Variants in TM9SF4 observed in about 807,000 individuals in gnomAD.
TM9SF4 encodes transmembrane 9 superfamily member 4.
In TM9SF4, 26 loss-of-function variants were observed where a neutral mutation model predicts 90.4. That is an observed-to-expected ratio of 0.29 (90% CI 0.21 to 0.40). The LOEUF is 0.40. Among genes scored for constraint, TM9SF4 ranks in the 10% least tolerant of loss-of-function variants. The pLI is 1.00. For missense variants in TM9SF4, 549 were observed against 834.8 expected (o/e 0.66, Z 4.22); for synonymous variants, 293 against 315.4 (o/e 0.93, Z 0.75).
rs192606587 is a variant in TM9SF4, at chr20:32,144,383, C to T, written c.653-708C>T. On this transcript the variant is annotated intron_variant, in intron 6 of 17. Transcript: ENST00000398022. ...GAGAAAACATCTGAATGATTGATCA[C>T]GAAAGTGCCAGGGCTTTAGAGATAG... Among the ~76,000 whole-genome samples, 119 of 152,278 alleles carry T rather than the reference C, an allele frequency of 7.8e-4. 1 individual carries two copies. The highest frequency in any genetic ancestry group is 3.7e-4 in the Non-Finnish European group (25 of 68,030).
chr20:32,135,845 C>T (rs758308456), intron 2 of TM9SF4, among the ~76,000 whole-genome samples: 6 of 152,194 alleles, frequency 3.9e-5, no homozygotes, highest in Non-Finnish European at 8.8e-5. Context: ...ATGTTCAAGA[C>T]TCTCACAATG....
intron 2 of TM9SF4, 26 bp downstream of exon 2, chr20:32,133,152 GC>G: frequency 6.2e-7 from 1 of 1,608,694 alleles, no homozygotes; most frequent in Non-Finnish European, 8.5e-7. Flanking sequence ...GATTTTTGGA[GC>G]CTCTGTGCTA....
At chr20:32,110,117 C>T (rs945809366) in intron 1 of TM9SF4, 2 of 1,110,908 alleles carry the variant, frequency 1.8e-6, no homozygotes, top group South Asian at 4.6e-5. Context: ...CATCCTTGCT[C>T]CTCCCCGTCA....
intron 13 of TM9SF4, among the ~76,000 whole-genome samples, chr20:32,156,193 A>T (rs1215551204): frequency 2.6e-5 from 4 of 152,226 alleles, no homozygotes; most frequent in African/African-American, 9.6e-5. Context: ...CATTTATATG[A>T]TGCTTGCTTT....
intron 6 of TM9SF4, among the ~76,000 whole-genome samples, chr20:32,143,962 C>G (rs984574354): frequency 6.6e-6 from 1 of 151,808 alleles, no homozygotes; most frequent in Admixed American, 6.6e-5. Context: ...TTTTTTCCCC[C>G]CAAGACAGAG....
chr20:32,112,437 T>G (rs2046157077), intron 1 of TM9SF4, among the ~76,000 whole-genome samples: 1 of 152,042 alleles, frequency 6.6e-6, no homozygotes, highest in Non-Finnish European at 1.5e-5. Flanking sequence ...GGCTCATGCC[T>G]GTAATCTCAG....
Position 32,145,176 on chromosome 20 carries a change from T to C in TM9SF4, c.738T>C (p.Asn246=). The C allele has an allele frequency of 1.9e-6, 3 of 1,614,182 alleles. No individual in the cohort carries two copies. The highest frequency in any genetic ancestry group is 2.5e-6 in the Non-Finnish European group (3 of 1,180,036). ...AAGAAATTGACCCCACCAAGGAGAA[T>C]CAGCTGTACTTCACCTACTCTGTCC... The part of the protein sequence containing the change: ...SPQEIDPTKE[N]QLYFTYSVHW... The change falls in exon 7 of 18, where the codon AAT becomes AAC. Residue 246 remains asparagine (N), a synonymous_variant. Transcript: ENST00000398022.
At chr20:32,113,854 A>G (rs560701383) in intron 1 of TM9SF4, among the ~76,000 whole-genome samples, 5 of 152,282 alleles carry the variant, frequency 3.3e-5, no homozygotes, top group African/African-American at 1.2e-4. Flanking sequence ...CTACTAATTT[A>G]CCTTCTGTCC....
At chr20:32,157,517 G>C (rs925553963) in intron 13 of TM9SF4, among the ~76,000 whole-genome samples, 1 of 151,926 alleles carries the variant, frequency 6.6e-6, no homozygotes, top group Non-Finnish European at 1.5e-5. Context: ...ATCTCTTCAC[G>C]TTCTCAGTCC....
chr20:32,110,427 T>C (rs1347332423), intron 1 of TM9SF4, among the ~76,000 whole-genome samples: 1 of 152,174 alleles, frequency 6.6e-6, no homozygotes. Flanking sequence ...TCTCAAACTT[T>C]ACTGTGCATA....
At chr20:32,126,068 A>AACACACACACAC (rs71185382) in intron 1 of TM9SF4, among the ~76,000 whole-genome samples, 6,348 of 138,594 alleles carry the variant, frequency 0.046, 275 homozygotes, top group African/African-American at 0.093. Context: ...CTTTCCCGTA[A>AACACACACACAC]ACACACACAC....
At chr20:32,129,041 T>A (rs896396573) in intron 1 of TM9SF4, among the ~76,000 whole-genome samples, 2 of 151,668 alleles carry the variant, frequency 1.3e-5, no homozygotes, top group Non-Finnish European at 2.9e-5. Flanking sequence ...TCTAAGAAAA[T>A]TAGAAAATAT....
At position 32,146,689 on chromosome 20, in the gene TM9SF4, G is replaced by A. The variant is rs565359689; in HGVS notation, c.884-96G>A. 1.4e-3 allele frequency: 1,683 copies of A among 1,240,542 alleles called. 3 individuals are homozygous for A. Among genetic ancestry groups the A allele is most frequent in the Non-Finnish European group, 1.9e-3 (1,614 of 864,756 alleles). The allele number at this position is 1,240,542 out of a possible 1,614,324, so 76.8% of individuals were successfully genotyped here. On this transcript the variant is annotated intron_variant, in intron 8 of 17. Transcript: ENST00000398022. ...ATAATGGAGCAAGCCGTGCATGCCA[G>A]CTGTCGCACAGTAAAACATCATGTC... is the stretch of plus-strand genomic sequence containing the variant.
intron 1 of TM9SF4, among the ~76,000 whole-genome samples, chr20:32,129,324 A>G (rs2046475775): frequency 6.6e-6 from 1 of 151,932 alleles, no homozygotes; most frequent in Non-Finnish European, 1.5e-5. Context: ...GAGACACTAT[A>G]TTTACAAAAA....
rs554430938 is a variant in TM9SF4 at position 32,145,080 on chromosome 20, G to C, written c.653-11G>C. ...CACCACAGGAACAGACTGAGTCTGT[G>C]TCTCTCTCAGACCTCAAAGCAGATG... On this transcript the variant is annotated splice_polypyrimidine_tract_variant and intron_variant, in intron 6 of 17. Transcript: ENST00000398022. 5 of 1,613,328 alleles carry C rather than the reference G, an allele frequency of 3.1e-6. No homozygotes were observed. The highest frequency in any genetic ancestry group is 1.1e-5 in the South Asian group (1 of 91,070).
chr20:32,164,177 C>T (rs574101772), intron 17 of TM9SF4, among the ~76,000 whole-genome samples: 2 of 152,242 alleles, frequency 1.3e-5, no homozygotes, highest in East Asian at 3.9e-4. Flanking sequence ...CGGTTCTGCT[C>T]CTTGTCCCTC....
chr20:32,141,710 A>G (rs762917347), intron 4 of TM9SF4, 45 bp downstream of exon 4: 1 of 1,613,244 alleles, frequency 6.2e-7, no homozygotes, highest in South Asian at 1.1e-5. Flanking sequence ...CACACAGGGG[A>G]GGACACTGAC....
intron 17 of TM9SF4, among the ~76,000 whole-genome samples, chr20:32,163,289 ATATATATGTATG>A (rs1350483831): frequency 3.7e-5 from 4 of 107,554 alleles, no homozygotes; most frequent in African/African-American, 7.5e-5. Flanking sequence ...ATATATATAT[ATATATATGTATG>A]TATGTATGTA....
At chr20:32,150,436 AC>A (rs1489223845) in intron 10 of TM9SF4, among the ~76,000 whole-genome samples, 185 bp from the exon 11 acceptor site, 2 of 152,168 alleles carry the variant, frequency 1.3e-5, no homozygotes, top group Admixed American at 6.5e-5. Context: ...CCCAACTAAG[AC>A]CCAGTCTTCC....
Sources: gnomAD v4.1 joint callset for allele counts (sites outside exome capture counted in the v4.1 genomes callset) on GRCh38, gnomAD v4.1.1 for gene constraint, MANE v1.5 for transcripts, NCBI Gene and HGNC (gene_info 2026-07-23, HGNC 2026-07-21) for gene names.